The following GRK5 variants were observed in gnomAD, a reference collection of about 807,000 sequenced individuals.
GRK5 encodes g protein-coupled receptor kinase GRK5.
A neutral mutation model predicts 78.4 loss-of-function variants in GRK5; 40 were observed. The ratio of observed to expected loss-of-function variants is 0.51; its 90% CI spans 0.40 to 0.66. GRK5 has a LOEUF of 0.66. Among genes scored for constraint, GRK5 ranks in the 30% least tolerant of loss-of-function variants. The probability of loss-of-function intolerance (pLI) is 0.00; values close to 1 mark genes in which losing one functional copy is unlikely to be tolerated. For missense variants in GRK5, 598 were observed against 759.9 expected (o/e 0.79, Z 2.50); for synonymous variants, 289 against 296.8 (o/e 0.97, Z 0.27).
At chr10:119,314,482 C>T (rs745684217) in intron 1 of GRK5, among the ~76,000 whole-genome samples, 1 of 152,218 alleles carries the variant, frequency 6.6e-6, no homozygotes, top group Admixed American at 6.5e-5. Flanking sequence ...GGGAGAGGCT[C>T]TGTGCCCCCC....
At chr10:119,420,571 T>C (rs7090095) in intron 4 of GRK5, among the ~76,000 whole-genome samples, 9,854 of 151,070 alleles carry the variant, frequency 0.065, 520 homozygotes, top group East Asian at 0.17. Context: ...TCTTTTTCTT[T>C]CTTTTTTTTT....
intron 1 of GRK5, among the ~76,000 whole-genome samples, chr10:119,278,339 C>G (rs1471004660): frequency 6.6e-6 from 1 of 151,976 alleles, no homozygotes; most frequent in Non-Finnish European, 1.5e-5. Context: ...AAGGGGAACA[C>G]TCAAGTTCTT....
At chr10:119,232,440 TAATATGTAGTTTCA>T (rs1291393211) in intron 1 of GRK5, among the ~76,000 whole-genome samples, 1 of 152,188 alleles carries the variant, frequency 6.6e-6, no homozygotes, top group African/African-American at 2.4e-5. Flanking sequence ...TAGTTAACAC[TAATATGTAGTTTCA>T]AATAGCTAGA....
chr10:119,395,727 G>C (rs1164599290), intron 3 of GRK5, among the ~76,000 whole-genome samples: 1 of 152,108 alleles, frequency 6.6e-6, no homozygotes, highest in Non-Finnish European at 1.5e-5. Flanking sequence ...GTTTTTTGGA[G>C]ACCTCCCATC....
chr10:119,238,617 C>A lies in GRK5; in HGVS notation c.52+30648C>A, dbSNP rs910629255. ...CCTTCTCTTAGACATGTAGGGTTCGCGCCGTTGACCTGAGCTTCAGTGCCA... is the reference window on the plus strand; with the variant it reads ...CCTTCTCTTAGACATGTAGGGTTCGAGCCGTTGACCTGAGCTTCAGTGCCA... On this transcript the variant is annotated intron_variant, in intron 1 of 15. Transcript: ENST00000392870. The surrounding 1 kb of genome is among the most constrained non-coding windows in gnomAD (Gnocchi z 4.7). Among the ~76,000 whole-genome samples the A allele has an allele frequency of 6.6e-6, 1 of 152,140 alleles. No individual in the cohort carries two copies. Among genetic ancestry groups the A allele is most frequent in the Non-Finnish European group, 1.5e-5 (1 of 68,040 alleles).
rs137960078 is a variant in GRK5 at position 119,231,182 on chromosome 10, G to T, written c.52+23213G>T. On this transcript the variant is annotated intron_variant, in intron 1 of 15. Coordinates refer to ENST00000392870, the MANE Select transcript of GRK5 (RefSeq NM_005308.3). ...TTTGCAAACTGTTCACCTGACAAGGGATTGATACCCAGAACATACAAGGAA... is the reference window on the plus strand; with the variant it reads ...TTTGCAAACTGTTCACCTGACAAGGTATTGATACCCAGAACATACAAGGAA... Among the ~76,000 whole-genome samples the T allele has an allele frequency of 2.1e-3, 317 of 152,236 alleles. 3 individuals are homozygous for T. The highest frequency in any genetic ancestry group is 6.9e-3 in the African/African-American group (288 of 41,526).
In GRK5 at chr10:119,299,794, A is replaced by ATGTGTG. The variant is rs3981127; in HGVS notation, c.53-26698_53-26693dup. On this transcript the variant is annotated intron_variant, in intron 1 of 15. Coordinates refer to ENST00000392870, the MANE Select transcript of GRK5 (RefSeq NM_005308.3). ...TGTCACAGACTCTTCATTTAAGCAG[A>ATGTGTG]TGTGTGTGTGTGTGTGTGTGTGTGT... Among the ~76,000 whole-genome samples, 699 of 124,322 alleles carry ATGTGTG rather than the reference A, an allele frequency of 5.6e-3. 6 individuals are homozygous for ATGTGTG. Among genetic ancestry groups the ATGTGTG allele is most frequent in the African/African-American group, 0.019 (671 of 35,730 alleles). The allele number at this position is 124,322 out of a possible 152,430, so 81.6% of individuals were successfully genotyped here. A position where few individuals can be genotyped will look rare whatever the true frequency, so the allele number is the denominator to read the frequency against.
chr10:119,329,243 T>C (rs1195328122), intron 2 of GRK5, among the ~76,000 whole-genome samples: 1 of 152,154 alleles, frequency 6.6e-6, no homozygotes, highest in Non-Finnish European at 1.5e-5. Flanking sequence ...ATATAAAAGA[T>C]GAAAATATGA....
intron 12 of GRK5, among the ~76,000 whole-genome samples, 180 bp from the exon 13 acceptor site, chr10:119,447,943 G>A (rs1161785697): frequency 6.6e-5 from 10 of 152,226 alleles, no homozygotes; most frequent in Admixed American, 6.5e-4. Context: ...ATCTAGCCAG[G>A]CTGTGAGTGT....
At chr10:119,233,877 G>C (rs1848875289) in intron 1 of GRK5, among the ~76,000 whole-genome samples, 1 of 152,194 alleles carries the variant, frequency 6.6e-6, no homozygotes, top group Admixed American at 6.5e-5. Flanking sequence ...GACTCCAACT[G>C]TAGCAAAGAA....
intron 1 of GRK5, among the ~76,000 whole-genome samples, chr10:119,277,610 T>C (rs775631609): frequency 5.9e-5 from 9 of 152,190 alleles, no homozygotes; most frequent in Non-Finnish European, 8.8e-5. Context: ...ATTTAAAGAA[T>C]ATGATTTGAG....
At chr10:119,236,749 C>T (rs1311990277) in intron 1 of GRK5, among the ~76,000 whole-genome samples, 2 of 152,078 alleles carry the variant, frequency 1.3e-5, no homozygotes, top group Non-Finnish European at 1.5e-5. Flanking sequence ...AAGCAATTCT[C>T]CTGCCTCAGC....
intron 1 of GRK5, among the ~76,000 whole-genome samples, chr10:119,248,105 G>A (rs1330118182): frequency 6.6e-6 from 1 of 152,082 alleles, no homozygotes; most frequent in Non-Finnish European, 1.5e-5. Flanking sequence ...TCAACCTCCT[G>A]GACTCTAGCA....
intron 2 of GRK5, among the ~76,000 whole-genome samples, chr10:119,341,036 G>A (rs1850972670): frequency 6.6e-6 from 1 of 152,080 alleles, no homozygotes; most frequent in South Asian, 2.1e-4. Context: ...CCTCCCCTCT[G>A]CCCTGCCGTG....
chr10:119,283,320 G>A (rs528712479), intron 1 of GRK5, among the ~76,000 whole-genome samples: 2 of 152,252 alleles, frequency 1.3e-5, no homozygotes, highest in South Asian at 4.1e-4. Context: ...GCTCAACATG[G>A]TCACATTTGG....
chr10:119,335,076 C>T (rs1379885837), intron 2 of GRK5: 1 of 148,072 alleles, frequency 6.8e-6, no homozygotes, highest in African/African-American at 2.5e-5. Flanking sequence ...TAGTCTAGTA[C>T]TTGGTTATTC....
intron 2 of GRK5, among the ~76,000 whole-genome samples, chr10:119,350,473 G>A (rs1851171276): frequency 6.6e-6 from 1 of 152,208 alleles, no homozygotes; most frequent in Admixed American, 6.5e-5. Context: ...ACCGAGGCTG[G>A]ATCCTGCAGC....
chr10:119,303,801 AGC>A (rs1180491950), intron 1 of GRK5, among the ~76,000 whole-genome samples: 1 of 150,628 alleles, frequency 6.6e-6, no homozygotes, highest in Non-Finnish European at 1.5e-5. Context: ...TTCACTGCAG[AGC>A]CCAGACTTGG....
rs911451378 is a variant in GRK5, at chr10:119,438,033, G to A, written c.929+1192G>A. Among the ~76,000 whole-genome samples, 4 of 152,384 alleles carry A rather than the reference G, an allele frequency of 2.6e-5. No homozygotes were observed. In the East Asian group the frequency reaches 5.8e-4, roughly 22 times the overall value. ...GAATCGCTTTAACCTGGAGGTTGCA[G>A]TGAGTCAAGATCACCACTGCACTCC... On this transcript the variant is annotated intron_variant, in intron 9 of 15. Coordinates refer to ENST00000392870, the MANE Select transcript of GRK5 (RefSeq NM_005308.3).
Sources: gnomAD v4.1 joint callset for allele counts (sites outside exome capture counted in the v4.1 genomes callset) on GRCh38, gnomAD v4.1.1 for gene constraint, Gnocchi (gnomAD v3.1) non-coding constraint, MANE v1.5 for transcripts, NCBI Gene and HGNC (gene_info 2026-07-23, HGNC 2026-07-21) for gene names.